Variants in AFF3 observed in about 807,000 individuals in gnomAD.
The protein encoded by AFF3 is ALF transcription elongation factor 3.
In AFF3, 32 loss-of-function variants were observed where a neutral mutation model predicts 129.7. The ratio of observed to expected loss-of-function variants is 0.25; its 90% CI spans 0.19 to 0.33. AFF3 has a LOEUF of 0.33. Among genes scored for constraint, AFF3 ranks in the 10% least tolerant of loss-of-function variants. AFF3 has a pLI of 1.00. For synonymous variants in AFF3, 644 were observed against 635.4 expected, an observed-to-expected ratio of 1.01 and a Z score of -0.20; for missense variants, 1,373 against 1,592.0, an observed-to-expected ratio of 0.86 and a Z score of 2.34.
chr2:100,070,885 T>C (rs182989047), intron 4 of AFF3, among the ~76,000 whole-genome samples: 144 of 152,278 alleles, frequency 9.5e-4, no homozygotes, highest in African/African-American at 3.3e-3. Context: ...TTTTTTGTAT[T>C]GCAAATTGCC....
intron 12 of AFF3, among the ~76,000 whole-genome samples, chr2:99,653,251 A>G (rs538029488): frequency 1.3e-5 from 2 of 152,342 alleles, no homozygotes; most frequent in South Asian, 2.1e-4. Flanking sequence ...TATTATTAGT[A>G]TTGTCTCTTA....
At chr2:99,927,754 A>T (rs561528237) in intron 7 of AFF3, among the ~76,000 whole-genome samples, 3 of 152,322 alleles carry the variant, frequency 2.0e-5, no homozygotes, top group African/African-American at 7.2e-5. Flanking sequence ...AAATTTTTTT[A>T]AATACTAAGT....
chr2:99,604,166 T>C (rs1680108878), intron 13 of AFF3, among the ~76,000 whole-genome samples: 1 of 152,114 alleles, frequency 6.6e-6, no homozygotes, highest in Non-Finnish European at 1.5e-5. Context: ...TAAAGACACA[T>C]GCACGCGTAT....
At chr2:99,737,104 A>C (rs1680324514) in intron 10 of AFF3, among the ~76,000 whole-genome samples, 1 of 152,114 alleles carries the variant, frequency 6.6e-6, no homozygotes, top group East Asian at 1.9e-4. Context: ...CAAATTGCAA[A>C]TATTTACTTA....
chr2:99,955,513 A>G (rs1014005224), intron 7 of AFF3, among the ~76,000 whole-genome samples: 1 of 152,150 alleles, frequency 6.6e-6, no homozygotes, highest in African/African-American at 2.4e-5. Context: ...CAAAAAAAAG[A>G]TGAATTTTAA....
intron 11 of AFF3, among the ~76,000 whole-genome samples, chr2:99,715,840 T>G (rs1678333674): frequency 6.6e-6 from 1 of 151,852 alleles, no homozygotes; most frequent in South Asian, 2.1e-4. Flanking sequence ...CCCGGCTAAT[T>G]TTTTTGTATT....
At chr2:99,792,305 C>T (rs1685250161) in intron 8 of AFF3, among the ~76,000 whole-genome samples, 1 of 151,920 alleles carries the variant, frequency 6.6e-6, no homozygotes, top group African/African-American at 2.4e-5. Flanking sequence ...TCTGCCTCTA[C>T]AAAATATAAA....
intron 20 of AFF3, among the ~76,000 whole-genome samples, chr2:99,562,769 C>A (rs988701692): frequency 6.6e-6 from 1 of 152,204 alleles, no homozygotes; most frequent in Non-Finnish European, 1.5e-5. Flanking sequence ...CTATTTTAAA[C>A]CCAGCCACCC....
intron 18 of AFF3, among the ~76,000 whole-genome samples, chr2:99,572,064 C>T (rs937163624): frequency 6.6e-6 from 1 of 151,940 alleles, no homozygotes; most frequent in Non-Finnish European, 1.5e-5. Flanking sequence ...TTGTTTCCCA[C>T]AGTGATGGTA....
chr2:99,587,222 G>T lies in AFF3; in HGVS notation c.2523C>A (p.Ser841Arg). ...TGGTGGAGGTGGCCAGTCTTGAAGA[G>T]CTGTCTTTCTCTCCCTGGGACTTCT... Reference protein sequence around the residue: ...EIKKSQGEKDSSSRLATSTSN... With the variant: ...EIKKSQGEKDRSSRLATSTSN... The change falls in exon 16 of 25, where the codon AGC becomes AGA. Residue 841 changes from serine (S) to arginine (R), a missense_variant. Physicochemically the swap from Ser to Arg is moderately radical, Grantham distance 110. Around this residue, in one of 9 missense-constraint regions of AFF3, gnomAD observed 466 missense variants for 505.0 expected, o/e 0.92. Transcript: ENST00000672756. 1.2e-6 allele frequency: 2 copies of T among 1,614,190 alleles called. No individual in the cohort carries two copies. The highest frequency in any genetic ancestry group is 1.7e-6 in the Non-Finnish European group (2 of 1,180,032).
At chr2:99,624,149 T>C (rs1409994525) in intron 13 of AFF3, among the ~76,000 whole-genome samples, 2 of 152,240 alleles carry the variant, frequency 1.3e-5, no homozygotes, top group East Asian at 3.9e-4. Flanking sequence ...GTTCTGGGGA[T>C]TGTTGCCTTC....
intron 12 of AFF3, among the ~76,000 whole-genome samples, chr2:99,669,992 T>C (rs1160676255): frequency 1.3e-5 from 2 of 152,146 alleles, no homozygotes; most frequent in African/African-American, 4.8e-5. Flanking sequence ...ACGAAGATGA[T>C]GGGTGACCTC....
At chr2:100,111,382 A>G (rs1691506024) in intron 2 of AFF3, among the ~76,000 whole-genome samples, 1 of 152,260 alleles carries the variant, frequency 6.6e-6, no homozygotes, top group Non-Finnish European at 1.5e-5. Flanking sequence ...AATCTTGACT[A>G]CTTCTGAGTT....
At chr2:99,935,740 A>G (rs1238932416) in intron 7 of AFF3, among the ~76,000 whole-genome samples, 1 of 152,154 alleles carries the variant, frequency 6.6e-6, no homozygotes, top group African/African-American at 2.4e-5. Context: ...CCACTTTTCT[A>G]TTTTGGCAGG....
chr2:100,131,452 A>T (rs936288423), intron 1 of AFF3, among the ~76,000 whole-genome samples: 3 of 152,102 alleles, frequency 2.0e-5, no homozygotes, highest in African/African-American at 7.2e-5. Flanking sequence ...AACTTTTTTT[A>T]AATTTTTTTA....
chr2:99,821,061 C>T (rs139179493), intron 8 of AFF3, among the ~76,000 whole-genome samples: 5 of 151,954 alleles, frequency 3.3e-5, no homozygotes, highest in African/African-American at 7.2e-5. Context: ...TTAGTACAGA[C>T]GGCGTTTCCT....
rs1678975806 is a variant in AFF3, at chr2:99,593,720, G to T, written c.1941C>A (p.Cys647Ter). The T allele has an allele frequency of 1.2e-6, 2 of 1,610,956 alleles. No individual in the cohort carries two copies. Among genetic ancestry groups the T allele is most frequent in the Non-Finnish European group, 1.7e-6 (2 of 1,178,532 alleles). Residue 647 changes from cysteine (C) to a stop codon, truncating the protein, a stop_gained, in exon 15 of 25, where the codon TGC becomes TGA. Coordinates refer to ENST00000672756, the MANE Select transcript of AFF3 (RefSeq NM_001386135.1). LOFTEE classifies it high-confidence loss of function. ...TTAGCCCCCGCGTGCGGCGCTTCTC[G>T]CAGGTCACGGAGGAGCGCAGCTCCT... Reference protein sequence around the residue: ...HRKELRSSVTCEKRRTRGLSR... With the variant: ...HRKELRSSVT
At chr2:99,804,559 G>C (rs1031728220) in intron 8 of AFF3, among the ~76,000 whole-genome samples, 2 of 152,140 alleles carry the variant, frequency 1.3e-5, no homozygotes, top group African/African-American at 4.8e-5. Flanking sequence ...TAGATCAACT[G>C]TTCAATTCAG....
Position 100,105,611 on chromosome 2 carries a change from G to A in AFF3, c.-144-28C>T, listed in dbSNP as rs564713111. On this transcript the variant is annotated intron_variant, in intron 2 of 24. Coordinates refer to ENST00000672756, the MANE Select transcript of AFF3 (RefSeq NM_001386135.1). ...AGAAGGGTGATAAGAGTATCATCGTGGCTCCTAAAGAGTAATAATAATCTC... is the reference window on the plus strand; with the variant it reads ...AGAAGGGTGATAAGAGTATCATCGTAGCTCCTAAAGAGTAATAATAATCTC... 79 of 1,336,980 alleles carry A rather than the reference G, an allele frequency of 5.9e-5. No individual in the cohort carries two copies. The African/African-American group carries it at 1.0e-3, about 17-fold the overall frequency. 82.8% of individuals were successfully genotyped at this position (1,336,980 alleles called of 1,614,324 possible). A position where few individuals can be genotyped will look rare whatever the true frequency, so the allele number is the denominator to read the frequency against.
Sources: gnomAD v4.1 joint callset for allele counts (sites outside exome capture counted in the v4.1 genomes callset) on GRCh38, gnomAD v4.1.1 for gene constraint, gnomAD v4.1.1 regional missense constraint, MANE v1.5 for transcripts, NCBI Gene and HGNC (gene_info 2026-07-23, HGNC 2026-07-21) for gene names.